Variants in SLC28A1 observed in about 807,000 individuals in gnomAD.
SLC28A1 encodes solute carrier family 28 member 1.
SLC28A1 carries 64 observed loss-of-function variants against 74.8 expected under a neutral mutation model. The observed-to-expected ratio is 0.86, with a 90% CI of 0.70 to 1.05. The LOEUF is 1.05. Among genes scored for constraint, SLC28A1 ranks in the 50% least tolerant of loss-of-function variants. The pLI, the probability that SLC28A1 is intolerant of heterozygous loss-of-function variation, is 0.00. For synonymous variants in SLC28A1, 359 were observed against 335.0 expected, an observed-to-expected ratio of 1.07 and a Z score of -0.78; for missense variants, 828 against 822.8, an observed-to-expected ratio of 1.01 and a Z score of -0.08.
Position 84,904,162 on chromosome 15 carries a change from C to T in SLC28A1, c.527C>T (p.Pro176Leu), listed in dbSNP as rs1187343707. The T allele has an allele frequency of 3.7e-6, 6 of 1,614,124 alleles. No individual in the cohort carries two copies. Among genetic ancestry groups the T allele is most frequent in the Middle Eastern group, 3.3e-4 (2 of 6,084 alleles). Residue 176 changes from proline to leucine, a missense_variant, in exon 7 of 19, where the codon CCT becomes CTT. Around this residue, in one of 3 missense-constraint regions of SLC28A1, gnomAD observed 767 missense variants for 753.5 expected, o/e 1.02. Transcript: ENST00000394573. ...CTGTCTCTGGACACCTCCCAGCGGC[C>T]TGAGCAACTGGTGTCCTTCGCAGGA... ...LWLSLDTSQRPEQLVSFAGIC... is the reference protein window; with the variant it reads ...LWLSLDTSQRLEQLVSFAGIC...
intron 6 of SLC28A1, among the ~76,000 whole-genome samples, chr15:84,901,565 C>T (rs905451428): frequency 4.0e-5 from 6 of 151,880 alleles, no homozygotes; most frequent in South Asian, 2.1e-4. Context: ...AAGATATGAA[C>T]AGACATTTAA....
At chr15:84,929,504 A>T (rs1332299835) in intron 12 of SLC28A1, among the ~76,000 whole-genome samples, 1 of 149,734 alleles carries the variant, frequency 6.7e-6, no homozygotes, top group Non-Finnish European at 1.5e-5. Context: ...AGATCGCCCC[A>T]TTGCACTCCA....
chr15:84,953,821 A>G, the SLC28A1 span, among the ~76,000 whole-genome samples: 1 of 152,218 alleles, frequency 6.6e-6, no homozygotes, highest in South Asian at 2.1e-4. Flanking sequence ...AGAGGGGTAT[A>G]TTACTTAGGA....
At chr15:84,914,427 C>G (rs1596293473) in intron 9 of SLC28A1, among the ~76,000 whole-genome samples, 1 of 152,224 alleles carries the variant, frequency 6.6e-6, no homozygotes, top group Non-Finnish European at 1.5e-5. Context: ...GAGAAACAAG[C>G]CTCCAGGACT....
At chr15:84,943,246 G>C (rs1189818772) in intron 15 of SLC28A1, among the ~76,000 whole-genome samples, 199 bp from the exon 16 acceptor site, 1 of 152,084 alleles carries the variant, frequency 6.6e-6, no homozygotes. Flanking sequence ...AAGAGAGGGG[G>C]GCTATGTTTT....
chr15:84,918,630 G>C, intron 10 of SLC28A1, 26 bp downstream of exon 10: 1 of 1,556,832 alleles, frequency 6.4e-7, no homozygotes, highest in Non-Finnish European at 8.9e-7. Context: ...CCATGGCCAG[G>C]GCTCTCCCAG....
At chr15:84,899,940 A>AAAGAAAGGAAGGAAGGAAGGAAGG (rs780132408) in intron 6 of SLC28A1, among the ~76,000 whole-genome samples, 18 of 136,924 alleles carry the variant, frequency 1.3e-4, no homozygotes, top group Admixed American at 9.4e-4. Flanking sequence ...AGAAAGAAAG[A>AAAGAAAGGAAGGAAGGAAGGAAGG]AAGGAAGGAA....
intron 12 of SLC28A1, among the ~76,000 whole-genome samples, chr15:84,925,551 G>A (rs1244547848): frequency 6.6e-6 from 1 of 152,140 alleles, no homozygotes; most frequent in African/African-American, 2.4e-5. Flanking sequence ...AGTGAACTGA[G>A]ATCGCACCAC....
intron 13 of SLC28A1, among the ~76,000 whole-genome samples, chr15:84,934,141 A>C (rs1381180096): frequency 6.6e-6 from 1 of 152,230 alleles, no homozygotes; most frequent in African/African-American, 2.4e-5. Context: ...ATTAAGTTTC[A>C]AAATGAGTTT....
rs918650633 is a variant in SLC28A1 at position 84,944,930 on chromosome 15, T to TG, written c.1874+70dup. 4.9e-5 allele frequency: 62 copies of TG among 1,253,380 alleles called. 1 individual carries two copies. The highest frequency in any genetic ancestry group is 1.9e-4 in the Middle Eastern group (1 of 5,368). The allele number at this position is 1,253,380 out of a possible 1,614,324, so 77.6% of individuals were successfully genotyped here. A position where few individuals can be genotyped will look rare whatever the true frequency, so the allele number is the denominator to read the frequency against. On this transcript the variant is annotated intron_variant, in intron 18 of 18. Transcript: ENST00000394573. ...AGTGATAGACAGAATGCCTGAGCGC[T>TG]GGGGGGGATGCCTTTGGTACCAGGG...
the SLC28A1 span, among the ~76,000 whole-genome samples, chr15:84,974,216 C>T: frequency 6.6e-6 from 1 of 152,208 alleles, no homozygotes; most frequent in Non-Finnish European, 1.5e-5. Flanking sequence ...CACATTTACC[C>T]TGGGAATGAA....
chr15:84,925,571 G>T (rs112772010), intron 12 of SLC28A1, among the ~76,000 whole-genome samples: 1 of 152,148 alleles, frequency 6.6e-6, no homozygotes, highest in African/African-American at 2.4e-5. Flanking sequence ...CTGCACAGTA[G>T]CCTGGGCAAC....
At chr15:84,902,368 T>A (rs1966768568) in intron 6 of SLC28A1, among the ~76,000 whole-genome samples, 1 of 151,882 alleles carries the variant, frequency 6.6e-6, no homozygotes, top group African/African-American at 2.4e-5. Context: ...TAGTCCCAGC[T>A]ACTTGGGAAG....
chr15:84,941,972 C>A (rs1476584809), intron 15 of SLC28A1, among the ~76,000 whole-genome samples: 1 of 152,130 alleles, frequency 6.6e-6, no homozygotes, highest in Non-Finnish European at 1.5e-5. Context: ...GTTACTTAAC[C>A]TCTCTGAGCC....
At chr15:84,923,912 C>T (rs1221731456) in intron 11 of SLC28A1, 73 bp from the exon 12 acceptor site, 3 of 1,607,072 alleles carry the variant, frequency 1.9e-6, no homozygotes, top group East Asian at 4.5e-5. Flanking sequence ...CAGCTGCTCA[C>T]TGTGACCTGT....
At chr15:84,916,153 T>TG (rs890537112) in intron 9 of SLC28A1, among the ~76,000 whole-genome samples, 16 of 150,946 alleles carry the variant, frequency 1.1e-4, no homozygotes, top group African/African-American at 3.4e-4. Context: ...TTAGTAGAGA[T>TG]GGGGTTTCAC....
intron 5 of SLC28A1, among the ~76,000 whole-genome samples, chr15:84,894,320 C>T (rs989030156): frequency 6.8e-5 from 10 of 147,870 alleles, no homozygotes; most frequent in African/African-American, 1.8e-4. Context: ...TGCAGTCAGC[C>T]GAGATCATGC....
the SLC28A1 span, among the ~76,000 whole-genome samples, chr15:84,956,478 T>TCTTC: frequency 1.6e-4 from 22 of 140,380 alleles, no homozygotes; most frequent in African/African-American, 4.3e-4. Context: ...CTTCTTTCTT[T>TCTTC]CTTTCTTTCT....
intron 6 of SLC28A1, among the ~76,000 whole-genome samples, chr15:84,903,187 A>AGCCTGCTTGAGTTCAGCTCTTC (rs1448954198): frequency 6.6e-5 from 10 of 152,244 alleles, no homozygotes; most frequent in Admixed American, 5.2e-4. Context: ...CTCTGGAATT[A>AGCCTGCTTGAGTTCAGCTCTTC]GCCTGCTTGA....
Sources: gnomAD v4.1 joint callset for allele counts (sites outside exome capture counted in the v4.1 genomes callset) on GRCh38, gnomAD v4.1.1 for gene constraint, gnomAD v4.1.1 regional missense constraint, MANE v1.5 for transcripts, NCBI Gene and HGNC (gene_info 2026-07-23, HGNC 2026-07-21) for gene names.